PTPRE: variants seen among roughly 807,000 people sequenced by gnomAD.
The protein encoded by PTPRE is protein tyrosine phosphatase receptor type E.
PTPRE carries 51 observed loss-of-function variants against 102.0 expected under a neutral mutation model. The ratio of observed to expected loss-of-function variants is 0.50; its 90% CI spans 0.40 to 0.63. The LOEUF (loss-of-function observed/expected upper bound fraction) is 0.63, where lower values mean the gene tolerates loss of function less well. Ranked by LOEUF, PTPRE falls within the 30% of genes least tolerant of loss-of-function variation. PTPRE has a pLI of 0.00. For synonymous variants in PTPRE, 345 were observed against 348.2 expected (o/e 0.99, Z 0.10); for missense variants, 752 against 915.1 (o/e 0.82, Z 2.30).
At chr10:128,032,649 G>C (rs574409022) in intron 2 of PTPRE, among the ~76,000 whole-genome samples, 1 of 152,226 alleles carries the variant, frequency 6.6e-6, no homozygotes, top group Admixed American at 6.5e-5. Context: ...AGGCTTCAGG[G>C]TTGGGACTCT....
In PTPRE at chr10:128,045,967, C is replaced by T. The variant is rs373730108; in HGVS notation, c.110-1423C>T. 2.6e-4 allele frequency among the ~76,000 whole-genome samples: 40 copies of T among 152,342 alleles called. 1 individual carries two copies. The East Asian group carries it at 5.2e-3, about 20-fold the overall frequency. ...ACGGACCCCACCTGGAAGGTGGGCA[C>T]TTAGTGGGTGGGCCAGGTGAACAGT... On this transcript the variant is annotated intron_variant, in intron 3 of 20. Coordinates refer to ENST00000254667, the MANE Select transcript of PTPRE (RefSeq NM_006504.6).
At chr10:128,027,062 C>A (rs1376073318) in intron 2 of PTPRE, among the ~76,000 whole-genome samples, 1 of 152,158 alleles carries the variant, frequency 6.6e-6, no homozygotes, top group African/African-American at 2.4e-5. Flanking sequence ...GAGGGTCAAC[C>A]CACAGCTGTG....
At chr10:127,936,336 GT>G (rs1250161191) in intron 1 of PTPRE, among the ~76,000 whole-genome samples, 1 of 152,086 alleles carries the variant, frequency 6.6e-6, no homozygotes, top group African/African-American at 2.4e-5. Flanking sequence ...TTGGGGGCTG[GT>G]TTTTTTAATA....
At chr10:127,968,105 A>G (rs555402936) in intron 1 of PTPRE, among the ~76,000 whole-genome samples, 119 of 150,902 alleles carry the variant, frequency 7.9e-4, no homozygotes, top group African/African-American at 2.6e-3. Context: ...GCAGGTTCAC[A>G]TGGTGGCCAG....
intron 1 of PTPRE, among the ~76,000 whole-genome samples, chr10:127,920,139 T>G (rs991793984): frequency 2.6e-5 from 4 of 152,144 alleles, no homozygotes; most frequent in Admixed American, 2.0e-4. Flanking sequence ...CTCAACTGTT[T>G]GAATGCAATG....
At chr10:128,076,021 G>C (rs1282286604) in intron 17 of PTPRE, among the ~76,000 whole-genome samples, 1 of 152,192 alleles carries the variant, frequency 6.6e-6, no homozygotes, top group Non-Finnish European at 1.5e-5. Context: ...GATGTTTGTT[G>C]ATGAAGAGAA....
chr10:127,919,761 C>G (rs900086969), intron 1 of PTPRE, among the ~76,000 whole-genome samples: 3 of 152,168 alleles, frequency 2.0e-5, no homozygotes, highest in Non-Finnish European at 4.4e-5. Flanking sequence ...CCAGGAGATG[C>G]TTGAGAAGGC....
chr10:128,039,595 T>C (rs1380065118), intron 2 of PTPRE, among the ~76,000 whole-genome samples: 1 of 152,206 alleles, frequency 6.6e-6, no homozygotes. Flanking sequence ...TGAAACACAA[T>C]TAGGATTTTT....
chr10:128,035,672 C>T (rs996082793), intron 2 of PTPRE, among the ~76,000 whole-genome samples: 1 of 152,206 alleles, frequency 6.6e-6, no homozygotes, highest in Non-Finnish European at 1.5e-5. Context: ...GAAAACACTA[C>T]CCTCTTGGAG....
chr10:128,060,196 TGCACCATAC>T (rs1482050898), intron 7 of PTPRE, among the ~76,000 whole-genome samples: 2 of 137,352 alleles, frequency 1.5e-5, no homozygotes, highest in African/African-American at 5.6e-5. Context: ...ACTACACACA[TGCACCATAC>T]ACACCACACA....
intron 15 of PTPRE, 149 bp from the exon 16 acceptor site, chr10:128,071,989 C>T (rs952856185): frequency 1.7e-6 from 1 of 583,264 alleles, no homozygotes; most frequent in African/African-American, 1.9e-5. Flanking sequence ...CTTTAATTAT[C>T]GTCTCTCATA....
chr10:127,965,099 A>G (rs2135403530), intron 1 of PTPRE: 1 of 445,514 alleles, frequency 2.2e-6, no homozygotes, highest in Non-Finnish European at 4.5e-6. Flanking sequence ...ATTCCTTAAT[A>G]AGTACATCAT....
intron 1 of PTPRE, among the ~76,000 whole-genome samples, chr10:127,941,547 G>T (rs1848247339): frequency 6.6e-6 from 1 of 152,260 alleles, no homozygotes; most frequent in Admixed American, 6.5e-5. Context: ...TGAGCACCTA[G>T]ATTTTTGTGT....
At chr10:127,980,527 A>G (rs1331608156) in intron 1 of PTPRE, among the ~76,000 whole-genome samples, 1 of 152,068 alleles carries the variant, frequency 6.6e-6, no homozygotes, top group Non-Finnish European at 1.5e-5. Context: ...TGCATTGGCT[A>G]TGATTTCCAG....
intron 20 of PTPRE, among the ~76,000 whole-genome samples, chr10:128,082,396 A>G (rs1481858167): frequency 1.3e-5 from 2 of 150,504 alleles, no homozygotes; most frequent in African/African-American, 2.4e-5. Context: ...ATCTTTTTTG[A>G]TAGAGATGGG....
chr10:128,049,282 A>G (rs1408777577), intron 5 of PTPRE, among the ~76,000 whole-genome samples: 4 of 152,092 alleles, frequency 2.6e-5, no homozygotes, highest in African/African-American at 9.7e-5. Context: ...GCTGTCTCCA[A>G]TGGGGGAGAG....
In PTPRE at chr10:128,047,801, G is replaced by A. The variant is rs765778524; in HGVS notation, c.247G>A (p.Asp83Asn). 9 of 1,605,526 alleles carry A rather than the reference G, an allele frequency of 5.6e-6. No individual in the cohort carries two copies. Among genetic ancestry groups the A allele is most frequent in the Admixed American group, 1.7e-5 (1 of 59,704 alleles). Residue 83 changes from aspartate to asparagine, a missense_variant, in exon 5 of 21, where the codon GAC (aspartate) becomes AAC (asparagine). Transcript: ENST00000254667. ...GAGGAAAGCTGTGGTCAGCACCAGC[G>A]ACAAGAAGATGCCCAACGGAATCTT... ...KQRKAVVSTS[D>N]KKMPNGILEE...
intron 1 of PTPRE, among the ~76,000 whole-genome samples, chr10:127,974,514 C>A (rs1008099654): frequency 3.9e-5 from 6 of 152,166 alleles, no homozygotes; most frequent in Non-Finnish European, 7.3e-5. Context: ...CTGGGCTTGC[C>A]ACGACCTAGC....
Position 128,026,308 on chromosome 10 carries a change from G to A in PTPRE, c.-7-14567G>A, listed in dbSNP as rs546975758. On this transcript the variant is annotated intron_variant, in intron 2 of 20. Coordinates refer to ENST00000254667, the MANE Select transcript of PTPRE (RefSeq NM_006504.6). ...CACTGCCTGTCTGGGCTACTGTCAG[G>A]GGAGGGTCTGGCGAGAGGCCCCCTG... Among the ~76,000 whole-genome samples the A allele has an allele frequency of 3.3e-5, 5 of 152,372 alleles. No individual in the cohort carries two copies. The East Asian group carries it at 9.6e-4, about 29-fold the overall frequency.
Sources: allele counts gnomAD v4.1 joint callset (sites outside exome capture counted in the v4.1 genomes callset), GRCh38; gene constraint gnomAD v4.1.1; transcripts MANE v1.5; gene names NCBI Gene and HGNC (gene_info 2026-07-23, HGNC 2026-07-21).